PEAK1: variants seen among roughly 807,000 people sequenced by gnomAD.
PEAK1 encodes the protein inactive tyrosine-protein kinase PEAK1.
Under a neutral mutation model 124.7 loss-of-function variants are expected in PEAK1, and 54 were observed. The observed-to-expected ratio is 0.43, with a 90% confidence interval of 0.35 to 0.54. The LOEUF is 0.54. Among genes scored for constraint, PEAK1 ranks in the 20% least tolerant of loss-of-function variants. The pLI is 0.01. For synonymous variants in PEAK1, 719 were observed against 760.0 expected, an observed-to-expected ratio of 0.95 and a Z score of 0.89; for missense variants, 2,046 against 2,134.5, an observed-to-expected ratio of 0.96 and a Z score of 0.82.
At chr15:77,224,790 T>C (rs1239790586) in intron 6 of PEAK1, among the ~76,000 whole-genome samples, 1 of 152,022 alleles carries the variant, frequency 6.6e-6, no homozygotes, top group Non-Finnish European at 1.5e-5. Flanking sequence ...AATTATTTCA[T>C]TTGTATGGAG....
In PEAK1 at chr15:77,212,731, G is replaced by A. The variant is rs369488587; in HGVS notation, c.-114-30691C>T. 1.6e-3 allele frequency among the ~76,000 whole-genome samples: 236 copies of A among 152,168 alleles called. 2 individuals are homozygous for A. Among genetic ancestry groups the A allele is most frequent in the African/African-American group, 5.5e-3 (227 of 41,508 alleles). ...TAGGTCATCTATAAACAACAAACCA[G>A]GGCAATATTATCTCAAAAGTCCTAT... On this transcript the variant is annotated intron_variant, in intron 6 of 9. Transcript: ENST00000682557.
At chr15:77,281,886 G>A (rs1363348728) in intron 5 of PEAK1, among the ~76,000 whole-genome samples, 1 of 152,122 alleles carries the variant, frequency 6.6e-6, no homozygotes, top group Non-Finnish European at 1.5e-5. Context: ...AACAGATTCT[G>A]TAATTCTCCT....
At chr15:77,163,248 T>C (rs544512636) in intron 7 of PEAK1, among the ~76,000 whole-genome samples, 4 of 152,344 alleles carry the variant, frequency 2.6e-5, no homozygotes, top group South Asian at 4.1e-4. Context: ...TGAGATTTGG[T>C]ATGTCTGACC....
At chr15:77,170,506 T>C (rs1160703506) in intron 7 of PEAK1, among the ~76,000 whole-genome samples, 2 of 152,042 alleles carry the variant, frequency 1.3e-5, no homozygotes, top group Non-Finnish European at 2.9e-5. Context: ...CCTTCTTCAG[T>C]GTGGGGAGTG....
chr15:77,392,961 G>A (rs1257478365), intron 1 of PEAK1, among the ~76,000 whole-genome samples: 4 of 152,256 alleles, frequency 2.6e-5, no homozygotes, highest in Admixed American at 2.0e-4. Context: ...GTGCACTTGC[G>A]GGGAAAGAGA....
chr15:77,418,573 T>C (rs2073079601), intron 1 of PEAK1: 2 of 984,922 alleles, frequency 2.0e-6, no homozygotes, highest in Middle Eastern at 5.2e-4. Flanking sequence ...ATGTACCATA[T>C]CTGCCATTAC....
intron 5 of PEAK1, chr15:77,278,671 T>G: frequency 1.9e-6 from 1 of 522,390 alleles, no homozygotes; most frequent in South Asian, 1.4e-5. Context: ...GGAATAAGCC[T>G]GCAGAAAATG....
At chr15:77,333,066 A>G in intron 2 of PEAK1, 1 of 962,986 alleles carries the variant, frequency 1.0e-6, no homozygotes, top group Non-Finnish European at 1.2e-6. Context: ...TGGCATAAAT[A>G]TTCCTTCATA....
chr15:77,334,200 G>A (rs1449435270), intron 2 of PEAK1: 7 of 982,398 alleles, frequency 7.1e-6, no homozygotes, highest in Non-Finnish European at 8.5e-6. Context: ...ACTGACTTCA[G>A]TACATTTAGA....
At position 77,118,246 on chromosome 15, in the gene PEAK1, A is replaced by C. The variant is rs975010595; in HGVS notation, c.4078-2927T>G. On this transcript the variant is annotated intron_variant, in intron 9 of 9. Transcript: ENST00000682557. ...GATTTTACTTGGTTCATAACCCTGA[A>C]AACAGTTACAACCCAAACACAGACC... Among the ~76,000 whole-genome samples, 4 of 152,176 alleles carry C rather than the reference A, an allele frequency of 2.6e-5. No individual in the cohort carries two copies. In the South Asian group the frequency reaches 8.3e-4, roughly 31 times the overall value.
At chr15:77,257,526 TTTTG>T in intron 5 of PEAK1, among the ~76,000 whole-genome samples, 1 of 151,442 alleles carries the variant, frequency 6.6e-6, no homozygotes, top group African/African-American at 2.4e-5. Flanking sequence ...AAATGTCTTC[TTTTG>T]AGAAGTGTCT....
At chr15:77,369,719 A>T (rs952596189) in intron 1 of PEAK1, among the ~76,000 whole-genome samples, 34 of 149,762 alleles carry the variant, frequency 2.3e-4, no homozygotes, top group African/African-American at 8.4e-4. Flanking sequence ...GGTGGCTCTG[A>T]TCCAAAGATT....
chr15:77,363,902 T>G (rs768935283), intron 2 of PEAK1, among the ~76,000 whole-genome samples: 2 of 151,952 alleles, frequency 1.3e-5, no homozygotes, highest in Non-Finnish European at 2.9e-5. Flanking sequence ...AATGAGTACT[T>G]TTAAGAGTGA....
chr15:77,178,714 C>T (rs2057039564), intron 7 of PEAK1, 76 bp downstream of exon 7: 1 of 1,412,220 alleles, frequency 7.1e-7, no homozygotes, highest in South Asian at 1.3e-5. Flanking sequence ...CTTATGCAAT[C>T]TTAAAAGATA....
At chr15:77,195,400 C>CA (rs938253192) in intron 6 of PEAK1, among the ~76,000 whole-genome samples, 19 of 151,286 alleles carry the variant, frequency 1.3e-4, no homozygotes, top group Admixed American at 3.3e-4. Context: ...GGAACAATAA[C>CA]AAAAGATAAA....
At chr15:77,325,405 C>CTCAA (rs2065503767) in intron 2 of PEAK1, among the ~76,000 whole-genome samples, 1 of 122,202 alleles carries the variant, frequency 8.2e-6, no homozygotes, top group South Asian at 2.9e-4. Flanking sequence ...AAGATCCCAT[C>CTCAA]TCAATAAATA....
intron 1 of PEAK1, chr15:77,419,307 G>T (rs1432269291): frequency 1.0e-6 from 1 of 985,250 alleles, no homozygotes; most frequent in Non-Finnish European, 1.2e-6. Context: ...CGACGAGAGG[G>T]GAGGGGGCAG....
chr15:77,291,558 A>G (rs932007557), intron 2 of PEAK1, among the ~76,000 whole-genome samples: 6 of 152,328 alleles, frequency 3.9e-5, no homozygotes, highest in Middle Eastern at 3.4e-3. Context: ...AATGCTGTCA[A>G]TGTCACCTGT....
chr15:77,397,284 A>C (rs1469691281), intron 1 of PEAK1, among the ~76,000 whole-genome samples: 1 of 152,158 alleles, frequency 6.6e-6, no homozygotes, highest in African/African-American at 2.4e-5. Context: ...ACAACATACC[A>C]AAAATCTATA....
Sources: allele counts gnomAD v4.1 joint callset (sites outside exome capture counted in the v4.1 genomes callset), GRCh38; gene constraint gnomAD v4.1.1; transcripts MANE v1.5; gene names NCBI Gene and HGNC (gene_info 2026-07-23, HGNC 2026-07-21).